ZNF276: variants seen among roughly 807,000 people sequenced by gnomAD.
The protein encoded by ZNF276 is centromere protein Z.
A neutral mutation model predicts 63.9 loss-of-function variants in ZNF276; 59 were observed. That is an observed-to-expected ratio of 0.92 (90% CI 0.75 to 1.15). The LOEUF (loss-of-function observed/expected upper bound fraction) is 1.15, where lower values mean the gene tolerates loss of function less well. Ranked by LOEUF, ZNF276 falls within the 50% of genes most tolerant of loss-of-function variation. ZNF276 has a pLI of 0.00. For synonymous variants in ZNF276, 496 were observed against 348.4 expected (o/e 1.42, Z -4.72); for missense variants, 1,084 against 843.8 (o/e 1.28, Z -3.53).
chr16:89,740,529 G>C lies in ZNF276; in HGVS notation c.*2283G>C. ...CTCACGCCTGTAATCCCAGCTACTC[G>C]GGAGGCTGATGCAGGAGAATTGCTT... On this transcript the variant is annotated 3_prime_UTR_variant, in exon 11 of 11. Transcript: ENST00000443381. 3.9e-6 allele frequency: 2 copies of C among 508,090 alleles called. No homozygotes were observed. Among genetic ancestry groups the C allele is most frequent in the Non-Finnish European group, 7.0e-6 (2 of 283,990 alleles). The allele number at this position is 508,090 out of a possible 1,614,324, so 31.5% of individuals were successfully genotyped here.
Position 89,721,599 on chromosome 16 carries a change from C to G in ZNF276, c.-42C>G. 6.8e-7 allele frequency: 1 copy of G among 1,466,932 alleles called. No homozygotes were observed. Among genetic ancestry groups the G allele is most frequent in the African/African-American group, 1.5e-5 (1 of 68,106 alleles). The allele number at this position is 1,466,932 out of a possible 1,614,324, so 90.9% of individuals were successfully genotyped here. ...CGCCGGGTCCTCTAGGAACCTCGGGCCGGGCAGCACCCGCGGGATTCTGCT... is the reference window on the plus strand; with the variant it reads ...CGCCGGGTCCTCTAGGAACCTCGGGGCGGGCAGCACCCGCGGGATTCTGCT... On this transcript the variant is annotated 5_prime_UTR_variant, in exon 1 of 11. Transcript: ENST00000443381.
chr16:89,739,143 A>T lies in ZNF276; in HGVS notation c.*897A>T, dbSNP rs531372521. ...GGCCCTTGCACCTGCCTGACCCTTG[A>T]GCTCCAGGCTCCTGCCAGCTGGAGG... On this transcript the variant is annotated 3_prime_UTR_variant, in exon 11 of 11. Transcript: ENST00000443381. 1.2e-6 allele frequency: 2 copies of T among 1,614,090 alleles called. No homozygotes were observed. The highest frequency in any genetic ancestry group is 3.3e-5 in the Admixed American group (2 of 60,020).
Position 89,737,834 on chromosome 16 carries a change from T to C in ZNF276, c.1503T>C (p.Cys501=). The change falls in exon 10 of 11, where the codon TGT becomes TGC. Residue 501 remains cysteine, a synonymous_variant. Coordinates refer to ENST00000443381, the MANE Select transcript of ZNF276 (RefSeq NM_001113525.2). ...TEVRNYICDE[C]GQTFKQRKHL... is the part of the protein sequence containing the mutation. ...TGCGGAACTATATCTGTGACGAATG[T>C]GGACAAACCTTCAAGCAGCGGAAGC... The C allele has an allele frequency of 6.2e-7, 1 of 1,614,156 alleles. No individual in the cohort carries two copies. The highest frequency in any genetic ancestry group is 1.1e-5 in the South Asian group (1 of 91,092).
At chr16:89,721,513 T>TGCTTCTCGCTCC, upstream of ZNF276, 1 of 972,642 alleles carries the variant, frequency 1.0e-6, no homozygotes, top group South Asian at 1.9e-5. Context: ...CGCCTCGCTT[T>TGCTTCTCGCTCC]GCTTCTCGCT....
intron 1 of ZNF276, 35 bp downstream of exon 1, chr16:89,721,880 C>T (rs1190058981): frequency 9.3e-6 from 11 of 1,186,744 alleles, no homozygotes; most frequent in African/African-American, 1.6e-5. Flanking sequence ...GGGTTGGGGT[C>T]GCGGCAGGGG....
chr16:89,739,918 T>C lies in ZNF276; in HGVS notation c.*1672T>C. On this transcript the variant is annotated 3_prime_UTR_variant, in exon 11 of 11. Transcript: ENST00000443381. Reference sequence around the variant, plus strand: ...CTTAGCAAGGAACCTCAAGGAGGGCTCGTTCTTAACCATTTGCAAGATGCC... The same window carrying C: ...CTTAGCAAGGAACCTCAAGGAGGGCCCGTTCTTAACCATTTGCAAGATGCC... The C allele has an allele frequency of 1.3e-6, 2 of 1,596,566 alleles. No individual in the cohort carries two copies. Among genetic ancestry groups the C allele is most frequent in the Middle Eastern group, 1.7e-4 (1 of 5,972 alleles).
At position 89,740,061 on chromosome 16, in the gene ZNF276, T is replaced by C; in HGVS notation, c.*1815T>C. On this transcript the variant is annotated 3_prime_UTR_variant, in exon 11 of 11. Transcript: ENST00000443381. Reference sequence around the variant, plus strand: ...TCTTCTCTAAACACTCGAGGATTGCTGCACAAACGTGGAAAGCCTTTGGCA... The same window carrying C: ...TCTTCTCTAAACACTCGAGGATTGCCGCACAAACGTGGAAAGCCTTTGGCA... 1 of 1,614,210 alleles carries C rather than the reference T, an allele frequency of 6.2e-7. No individual in the cohort carries two copies. The highest frequency in any genetic ancestry group is 2.2e-5 in the East Asian group (1 of 44,880).
In ZNF276 at chr16:89,740,812, T is replaced by C. The variant is rs115431604; in HGVS notation, c.*2566T>C. On this transcript the variant is annotated 3_prime_UTR_variant, in exon 11 of 11. Coordinates refer to ENST00000443381, the MANE Select transcript of ZNF276 (RefSeq NM_001113525.2). ...GGTAAGGTCTGACTTACATTTGAGG[T>C]CAGATGTGACGACAGCAGGCCCATC... The C allele has an allele frequency of 6.2e-7, 1 of 1,613,446 alleles. No homozygotes were observed. Among genetic ancestry groups the C allele is most frequent in the African/African-American group, 1.3e-5 (1 of 74,952 alleles).
At chr16:89,725,429 C>T (rs1482064881) in intron 4 of ZNF276, among the ~76,000 whole-genome samples, 1 of 152,132 alleles carries the variant, frequency 6.6e-6, no homozygotes, top group Non-Finnish European at 1.5e-5. Context: ...GATCCACCTG[C>T]ATCAGCCTCC....
Position 89,738,242 on chromosome 16 carries a change from C to T in ZNF276, c.1841C>T (p.Thr614Ile). Reference sequence around the variant, plus strand: ...GGCCAGGCGGTGAAGCCCGAACCCACCTGAGGACGGCAGTGAGGATGAGCA... The same window carrying T: ...GGCCAGGCGGTGAAGCCCGAACCCATCTGAGGACGGCAGTGAGGATGAGCA... ...TEGQAVKPEP[T>I] Residue 614 changes from threonine to isoleucine, a missense_variant, in exon 11 of 11, where the codon ACC (threonine) becomes ATC (isoleucine). Physicochemically the swap from Thr to Ile is moderately conservative, Grantham distance 89. Coordinates refer to ENST00000443381, the MANE Select transcript of ZNF276 (RefSeq NM_001113525.2). The T allele has an allele frequency of 6.3e-7, 1 of 1,599,934 alleles. No individual in the cohort carries two copies.
rs1201571959 is a variant in ZNF276, at chr16:89,721,742, T to C, written c.102T>C (p.Pro34=). The C allele has an allele frequency of 9.0e-6, 12 of 1,331,924 alleles. No individual in the cohort carries two copies. The highest frequency in any genetic ancestry group is 1.1e-5 in the Non-Finnish European group (12 of 1,043,652). The allele number at this position is 1,331,924 out of a possible 1,614,324, so 82.5% of individuals were successfully genotyped here. The change falls in exon 1 of 11, where the codon CCT becomes CCC. Residue 34 remains proline (P), a synonymous_variant. Transcript: ENST00000443381. ...GCGTCAGCCGGACTCGGGGCCGCCCTTCCCTTAGCGGTGGGCCGAGGGTGG... is the reference window on the plus strand; with the variant it reads ...GCGTCAGCCGGACTCGGGGCCGCCCCTCCCTTAGCGGTGGGCCGAGGGTGG... ...GGGVSRTRGR[P]SLSGGPRVDG...
rs747684842 is a variant in ZNF276, at chr16:89,738,072, C to T, written c.1671C>T (p.Asp557=). Residue 557 remains aspartate, a synonymous_variant, in exon 11 of 11, where the codon GAC becomes GAT. Coordinates refer to ENST00000443381, the MANE Select transcript of ZNF276 (RefSeq NM_001113525.2). ...AGACTGAGCTGGACTTTGCCTGTGA[C>T]CAGTGTGGCCGGCGGTTTGAGAAGG... ...KAETELDFAC[D]QCGRRFEKAH... is the part of the protein sequence containing the mutation. 6.2e-7 allele frequency: 1 copy of T among 1,614,104 alleles called. No individual in the cohort carries two copies. The highest frequency in any genetic ancestry group is 2.2e-5 in the East Asian group (1 of 44,876).
At position 89,723,339 on chromosome 16, in the gene ZNF276, C is replaced by A. The variant is rs540321841; in HGVS notation, c.636C>A (p.Ala212=). 10 of 1,613,010 alleles carry A rather than the reference C, an allele frequency of 6.2e-6. No individual in the cohort carries two copies. The African/African-American group carries it at 1.3e-4, about 21-fold the overall frequency. The stretch of plus-strand genomic sequence containing the variant: ...ATGGACATGCGGCCAGCTGCGGGGC[C>A]CTGCCCCACCTTCAGAGGACACTGT... The part of the protein sequence containing the change: ...WVHGHAASCG[A]LPHLQRTLSS... Residue 212 remains alanine (A), a synonymous_variant, in exon 4 of 11, where the codon GCC becomes GCA. Coordinates refer to ENST00000443381, the MANE Select transcript of ZNF276 (RefSeq NM_001113525.2).
Position 89,721,538 on chromosome 16 carries a change from C to T in ZNF276, c.-103C>T, listed in dbSNP as rs1461213228. 15 of 1,219,608 alleles carry T rather than the reference C, an allele frequency of 1.2e-5. No individual in the cohort carries two copies. The East Asian group carries it at 1.3e-4, about 10-fold the overall frequency. 75.5% of individuals were successfully genotyped at this position (1,219,608 alleles called of 1,614,324 possible). A position where few individuals can be genotyped will look rare whatever the true frequency, so the allele number is the denominator to read the frequency against. On this transcript the variant is annotated 5_prime_UTR_variant, in exon 1 of 11. Coordinates refer to ENST00000443381, the MANE Select transcript of ZNF276 (RefSeq NM_001113525.2). ...TGCTTCTCGCTCCGCCCCTCCCCCG[C>T]CCCGCCTCGCTTCCAGCGCGCCGAG...
rs1470053371 is a variant in ZNF276, at chr16:89,733,518, G to A, written c.1317G>A (p.Gln439=). The A allele has an allele frequency of 6.2e-7, 1 of 1,614,190 alleles. No homozygotes were observed. Among genetic ancestry groups the A allele is most frequent in the South Asian group, 1.1e-5 (1 of 91,086 alleles). The change falls in exon 8 of 11, where the codon CAG becomes CAA. Residue 439 remains glutamine, a synonymous_variant. Transcript: ENST00000443381. ...ELPTIYKCPY[Q]GCTAVYRGAD... Reference sequence around the variant, plus strand: ...CCACCATCTACAAGTGTCCTTACCAGGGCTGCACGGCCGTGTACCGAGGCG... The same window carrying A: ...CCACCATCTACAAGTGTCCTTACCAAGGCTGCACGGCCGTGTACCGAGGCG...
At chr16:89,732,936 C>G (rs1209605003) in intron 6 of ZNF276, 2 of 337,194 alleles carry the variant, frequency 5.9e-6, no homozygotes, top group East Asian at 7.9e-5. Flanking sequence ...CCTGCTGTAC[C>G]CTGCGCCCTC....
Position 89,721,568 on chromosome 16 carries a change from G to C in ZNF276, c.-73G>C. 6 of 1,400,700 alleles carry C rather than the reference G, an allele frequency of 4.3e-6. No individual in the cohort carries two copies. The highest frequency in any genetic ancestry group is 5.6e-6 in the Non-Finnish European group (6 of 1,064,182). 86.8% of individuals were successfully genotyped at this position (1,400,700 alleles called of 1,614,324 possible). A position where few individuals can be genotyped will look rare whatever the true frequency, so the allele number is the denominator to read the frequency against. ...CCTCGCTTCCAGCGCGCCGAGCGGA[G>C]CCTAACGCCGGGTCCTCTAGGAACC... On this transcript the variant is annotated 5_prime_UTR_variant, in exon 1 of 11. Coordinates refer to ENST00000443381, the MANE Select transcript of ZNF276 (RefSeq NM_001113525.2).
In ZNF276 at chr16:89,737,958, T is replaced by C. The variant is rs370763750; in HGVS notation, c.1575-18T>C. ...GGGCTGTGGCCCTCGCACCTTCTTA[T>C]CTGCCTCTGTCCCCCAGGTGTGAGG... On this transcript the variant is annotated intron_variant, in intron 10 of 10. Transcript: ENST00000443381. The C allele has an allele frequency of 6.8e-6, 11 of 1,613,998 alleles. No homozygotes were observed. The Admixed American group carries it at 8.3e-5, about 12-fold the overall frequency.
At chr16:89,728,836 C>T (rs1265490146) in intron 5 of ZNF276, among the ~76,000 whole-genome samples, 1 of 152,238 alleles carries the variant, frequency 6.6e-6, no homozygotes, top group East Asian at 1.9e-4. Context: ...TGCACCCAGC[C>T]ACTTTTGTGA....
Sources: allele counts gnomAD v4.1 joint callset (sites outside exome capture counted in the v4.1 genomes callset), GRCh38; gene constraint gnomAD v4.1.1; transcripts MANE v1.5; gene names NCBI Gene and HGNC (gene_info 2026-07-23, HGNC 2026-07-21).